The following LRRC74A variants were observed in gnomAD, a reference collection of about 807,000 sequenced individuals.
LRRC74A encodes leucine-rich repeat-containing protein 74A.
Under a neutral mutation model 57.9 loss-of-function variants are expected in LRRC74A, and 44 were observed. That is an observed-to-expected ratio of 0.76 (90% CI 0.60 to 0.98). LRRC74A has a LOEUF of 0.98. Among genes scored for constraint, LRRC74A ranks in the 50% least tolerant of loss-of-function variants. LRRC74A has a pLI of 0.00. For synonymous variants in LRRC74A, 211 were observed against 219.4 expected (o/e 0.96, Z 0.34); for missense variants, 572 against 574.0 (o/e 1.00, Z 0.04).
At chr14:76,857,568 T>C in intron 10 of LRRC74A, 93 bp downstream of exon 10, 1 of 861,862 alleles carries the variant, frequency 1.2e-6, no homozygotes, top group South Asian at 1.5e-5. Flanking sequence ...AACAGCTCTA[T>C]CCCTCACAGG....
chr14:76,861,360 G>C (rs969407195), intron 11 of LRRC74A, among the ~76,000 whole-genome samples: 2 of 152,226 alleles, frequency 1.3e-5, no homozygotes, highest in African/African-American at 4.8e-5. Context: ...ATGGCTATTT[G>C]GCAGCTCCAG....
chr14:76,855,561 C>G lies in LRRC74A; in HGVS notation c.958-1819C>G, dbSNP rs1055410875. 2.0e-5 allele frequency among the ~76,000 whole-genome samples: 3 copies of G among 152,190 alleles called. No homozygotes were observed. In the East Asian group the frequency reaches 5.8e-4, roughly 29 times the overall value. On this transcript the variant is annotated intron_variant, in intron 9 of 13. Coordinates refer to ENST00000689127, the MANE Select transcript of LRRC74A (RefSeq NM_001385106.1). ...AGTTTGGCCATCATGGAGACCACATCAACTTTGCCACAGGAATTATCTATG... is the reference window on the plus strand; with the variant it reads ...AGTTTGGCCATCATGGAGACCACATGAACTTTGCCACAGGAATTATCTATG...
chr14:76,837,730 G>A (rs1595353719), intron 4 of LRRC74A, 145 bp from the exon 5 acceptor site: 2 of 446,036 alleles, frequency 4.5e-6, no homozygotes, highest in Non-Finnish European at 8.0e-6. Context: ...TTCGTCCTTG[G>A]CACCTCCCTA....
intron 2 of LRRC74A, 160 bp downstream of exon 2, chr14:76,828,579 C>T (rs1895748816): frequency 9.2e-7 from 1 of 1,086,096 alleles, no homozygotes; most frequent in Admixed American, 2.0e-5. Flanking sequence ...TGCCTGGAGT[C>T]CTCCTCCGGG....
In LRRC74A at chr14:76,844,008, C is replaced by T. The variant is rs866687797; in HGVS notation, c.545-415C>T. Among the ~76,000 whole-genome samples, 28 of 147,078 alleles carry T rather than the reference C, an allele frequency of 1.9e-4. No homozygotes were observed. The South Asian group carries it at 2.8e-3, about 15-fold the overall frequency. On this transcript the variant is annotated intron_variant, in intron 5 of 13. Transcript: ENST00000689127. ...GAGCCACAGTACCCAGGCTCCTTTT[C>T]TTTTTTTAAAAACAGGATCTTGGTC...
chr14:76,856,698 A>G (rs1897906399), intron 9 of LRRC74A, among the ~76,000 whole-genome samples: 1 of 143,920 alleles, frequency 6.9e-6, no homozygotes, highest in Admixed American at 7.1e-5. Context: ...TGAGATGGAT[A>G]AGTGAGTGGA....
At chr14:76,848,948 G>A (rs1207435604) in intron 7 of LRRC74A, among the ~76,000 whole-genome samples, 1 of 152,180 alleles carries the variant, frequency 6.6e-6, no homozygotes, top group Non-Finnish European at 1.5e-5. Context: ...TGTCATTGCC[G>A]CTATTTTCTC....
At position 76,829,173 on chromosome 14, in the gene LRRC74A, A is replaced by C. The variant is rs1333385780; in HGVS notation, c.166+754A>C. 3.9e-6 allele frequency: 5 copies of C among 1,289,296 alleles called. No individual in the cohort carries two copies. In the East Asian group the frequency reaches 2.8e-4, roughly 71 times the overall value. The allele number at this position is 1,289,296 out of a possible 1,614,324, so 79.9% of individuals were successfully genotyped here. On this transcript the variant is annotated intron_variant, in intron 2 of 13. Transcript: ENST00000689127. The stretch of plus-strand genomic sequence containing the variant: ...GGTTCCATCTGACAGGGTCAGCCTC[A>C]AACTTCCCAGGCCAAGCCTAGCCCA...
Position 76,840,584 on chromosome 14 carries a change from C to CTT in LRRC74A, c.544+2630_544+2631dup, listed in dbSNP as rs34388699. On this transcript the variant is annotated intron_variant, in intron 5 of 13. Coordinates refer to ENST00000689127, the MANE Select transcript of LRRC74A (RefSeq NM_001385106.1). ...ATTTCATTAATCTATTTATGTATTT[C>CTT]TTTTTTTTTTTTTTTTTTGAGACGG... is the stretch of plus-strand genomic sequence containing the variant. Among the ~76,000 whole-genome samples, 208 of 130,038 alleles carry CTT rather than the reference C, an allele frequency of 1.6e-3. 1 individual carries two copies. The highest frequency in any genetic ancestry group is 3.2e-3 in the African/African-American group (111 of 34,876). The allele number at this position is 130,038 out of a possible 152,430, so 85.3% of individuals were successfully genotyped here. A position where few individuals can be genotyped will look rare whatever the true frequency, so the allele number is the denominator to read the frequency against.
At chr14:76,836,396 G>A in intron 4 of LRRC74A, 82 bp downstream of exon 4, 1 of 1,048,574 alleles carries the variant, frequency 9.5e-7, no homozygotes. Flanking sequence ...GGCCCTGCCA[G>A]GACCCAGGCT....
intron 5 of LRRC74A, among the ~76,000 whole-genome samples, chr14:76,842,126 TG>T (rs1896816772): frequency 6.6e-6 from 1 of 152,230 alleles, no homozygotes; most frequent in Non-Finnish European, 1.5e-5. Context: ...GTGAACAGAA[TG>T]TTTTTTTCTA....
chr14:76,845,727 A>G (rs543626273), intron 7 of LRRC74A, among the ~76,000 whole-genome samples: 101 of 152,370 alleles, frequency 6.6e-4, no homozygotes, highest in Middle Eastern at 3.4e-3. Context: ...CAACCTTAAA[A>G]GACAAGCAAC....
chr14:76,841,230 C>T (rs1896745393), intron 5 of LRRC74A, among the ~76,000 whole-genome samples: 1 of 152,020 alleles, frequency 6.6e-6, no homozygotes, highest in Non-Finnish European at 1.5e-5. Context: ...TTAGTAGAGA[C>T]AGAGTTTTGC....
At chr14:76,847,800 G>A (rs1189556010) in intron 7 of LRRC74A, among the ~76,000 whole-genome samples, 1 of 152,118 alleles carries the variant, frequency 6.6e-6, no homozygotes, top group African/African-American at 2.4e-5. Flanking sequence ...TGTAATCCCA[G>A]TGCTTTGGGA....
At chr14:76,834,235 T>G (rs1896165418) in intron 3 of LRRC74A, among the ~76,000 whole-genome samples, 1 of 152,176 alleles carries the variant, frequency 6.6e-6, no homozygotes. Flanking sequence ...GTCTTGAGAT[T>G]TATCAAGGGT....
intron 3 of LRRC74A, among the ~76,000 whole-genome samples, chr14:76,833,810 T>C (rs1896135080): frequency 6.6e-6 from 1 of 152,192 alleles, no homozygotes; most frequent in Admixed American, 6.6e-5. Context: ...GTTACCCTCT[T>C]ATTGTGCCTA....
chr14:76,850,503 T>G (rs1897379668), intron 7 of LRRC74A, among the ~76,000 whole-genome samples: 1 of 152,066 alleles, frequency 6.6e-6, no homozygotes, highest in Non-Finnish European at 1.5e-5. Context: ...TGTTGTGCAC[T>G]TTACTAAAAA....
At chr14:76,869,767 A>AG (rs1299575502) in intron 13 of LRRC74A, among the ~76,000 whole-genome samples, 1 of 151,974 alleles carries the variant, frequency 6.6e-6, no homozygotes, top group Non-Finnish European at 1.5e-5. Flanking sequence ...ATCTAAAAAA[A>AG]AAAAAAAAGA....
intron 13 of LRRC74A, among the ~76,000 whole-genome samples, chr14:76,868,447 C>T (rs555932619): frequency 2.0e-5 from 3 of 152,162 alleles, no homozygotes; most frequent in Non-Finnish European, 4.4e-5. Flanking sequence ...TCAGCCTGGA[C>T]GACAAAGTGA....
Sources: allele counts gnomAD v4.1 joint callset (sites outside exome capture counted in the v4.1 genomes callset), GRCh38; gene constraint gnomAD v4.1.1; transcripts MANE v1.5; gene names NCBI Gene and HGNC (gene_info 2026-07-23, HGNC 2026-07-21).